RLIG1: variants seen among roughly 807,000 people sequenced by gnomAD.
The protein encoded by RLIG1 is RNA 5'-phosphate and 3'-OH ligase 1.
At chr12:88,038,801 T>G in the RLIG1 span, among the ~76,000 whole-genome samples, 1 of 152,240 alleles carries the variant, frequency 6.6e-6, no homozygotes, top group African/African-American at 2.4e-5. Flanking sequence ...TGATCTGTTA[T>G]GTTTAGACAG....
At chr12:88,049,455 A>G in the RLIG1 span, 4 of 1,027,356 alleles carry the variant, frequency 3.9e-6, no homozygotes, top group East Asian at 2.6e-5. Flanking sequence ...TATAGGAAAT[A>G]TACATATTTT....
At chr12:88,048,178 A>G in the RLIG1 span, 4 of 1,323,540 alleles carry the variant, frequency 3.0e-6, no homozygotes, top group Non-Finnish European at 4.0e-6. Flanking sequence ...AAATATTTCT[A>G]AGTGAATGAA....
chr12:88,048,402 G>A, the RLIG1 span: 2 of 1,462,750 alleles, frequency 1.4e-6, no homozygotes, highest in East Asian at 2.4e-5. Flanking sequence ...TAGACTCAAA[G>A]ATATAATATT....
At chr12:88,038,744 A>T in the RLIG1 span, among the ~76,000 whole-genome samples, 2 of 152,208 alleles carry the variant, frequency 1.3e-5, no homozygotes, top group Non-Finnish European at 2.9e-5. Context: ...TATAAAACTG[A>T]ATCAAGGATA....
chr12:88,045,535 A>G, the RLIG1 span: 21 of 1,432,272 alleles, frequency 1.5e-5, no homozygotes, highest in South Asian at 2.3e-4. Flanking sequence ...GTGTCAGTCC[A>G]AAGAAAAACG....
At chr12:88,045,640 T>C in the RLIG1 span, 10 of 1,613,104 alleles carry the variant, frequency 6.2e-6, no homozygotes, top group South Asian at 9.9e-5. Context: ...CTGTAGTTAA[T>C]TATGAATTTG....
At chr12:88,049,414 C>G in the RLIG1 span, 1 of 1,358,668 alleles carries the variant, frequency 7.4e-7, no homozygotes, top group Non-Finnish European at 1.0e-6. Context: ...TTTATTTCCT[C>G]CTAATGGAAA....
chr12:88,042,951 A>T, the RLIG1 span: 7 of 1,366,876 alleles, frequency 5.1e-6, no homozygotes, highest in South Asian at 8.3e-5. Context: ...TCATGTTTAA[A>T]TAGCTGAAAT....
At chr12:88,035,744 G>A in the RLIG1 span, 1 of 1,588,976 alleles carries the variant, frequency 6.3e-7, no homozygotes, top group African/African-American at 1.3e-5. Flanking sequence ...ATCAGGTACG[G>A]AGGAGCGCCG....
chr12:88,042,140 A>G, the RLIG1 span: 1 of 152,218 alleles, frequency 6.6e-6, no homozygotes, highest in Non-Finnish European at 1.5e-5. Flanking sequence ...ATTTTCTTAG[A>G]TCAGGAACCA....
chr12:88,048,162 G>GCACT, the RLIG1 span: 6 of 1,185,302 alleles, frequency 5.1e-6, no homozygotes, highest in African/African-American at 4.8e-5. Context: ...CAGACAGTGG[G>GCACT]CACTCAAATA....
At chr12:88,039,235 C>T in the RLIG1 span, among the ~76,000 whole-genome samples, 2 of 152,008 alleles carry the variant, frequency 1.3e-5, no homozygotes, top group Admixed American at 6.6e-5. Flanking sequence ...TTGCCTGCTC[C>T]CTGAGAATGT....
the RLIG1 span, chr12:88,048,464 A>G: frequency 1.1e-6 from 1 of 945,558 alleles, no homozygotes; most frequent in African/African-American, 1.7e-5. Context: ...CTAATCTTGA[A>G]TATTCTACCA....
the RLIG1 span, chr12:88,048,370 AAATAGATAAT>A: frequency 6.3e-7 from 1 of 1,589,150 alleles, no homozygotes; most frequent in Non-Finnish European, 8.6e-7. Flanking sequence ...CATTTTTTAA[AAATAGATAAT>A]CAGAAATTTG....
the RLIG1 span, chr12:88,035,537 C>CTTTA: frequency 8.9e-7 from 1 of 1,124,240 alleles, no homozygotes; most frequent in Non-Finnish European, 1.3e-6. Flanking sequence ...TGGCTGGGCG[C>CTTTA]GGAGTGTGCG....
At chr12:88,042,846 G>A in the RLIG1 span, 11 of 1,524,652 alleles carry the variant, frequency 7.2e-6, no homozygotes, top group Admixed American at 2.1e-5. Flanking sequence ...CTTTGGGCTC[G>A]ACTAGATAGA....
the RLIG1 span, chr12:88,045,161 G>A: frequency 6.3e-6 from 1 of 159,854 alleles, no homozygotes; most frequent in East Asian, 1.9e-4. Context: ...CGTGGCATCA[G>A]TAAATTGTTC....
chr12:88,042,481 G>A, the RLIG1 span: 162 of 163,088 alleles, frequency 9.9e-4, no homozygotes, highest in Non-Finnish European at 1.3e-3. Context: ...ATGTTTGGGG[G>A]GAAGGGGTGG....
the RLIG1 span, chr12:88,050,010 TA>T: frequency 2.6e-5 from 5 of 188,988 alleles, no homozygotes; most frequent in Admixed American, 6.4e-5. Flanking sequence ...AAACAGCAAA[TA>T]TTTTTTTAAG....
Sources: gnomAD v4.1 joint callset for allele counts (sites outside exome capture counted in the v4.1 genomes callset) on GRCh38, gnomAD v4.1.1 for gene constraint, MANE v1.5 for transcripts, NCBI Gene and HGNC (gene_info 2026-07-23, HGNC 2026-07-21) for gene names.